PDE1A: variants seen among roughly 807,000 people sequenced by gnomAD.
The protein encoded by PDE1A is phosphodiesterase 1A.
Under a neutral mutation model 61.7 loss-of-function variants are expected in PDE1A, and 35 were observed. That is an observed-to-expected ratio of 0.57 (90% confidence interval 0.43 to 0.75). The LOEUF (loss-of-function observed/expected upper bound fraction) is 0.75, where lower values mean the gene tolerates loss of function less well. PDE1A is among the 30% of genes least tolerant of loss of function. The pLI is 0.00. For synonymous variants in PDE1A, 232 were observed against 213.2 expected, an observed-to-expected ratio of 1.09 and a Z score of -0.77; for missense variants, 597 against 630.6, an observed-to-expected ratio of 0.95 and a Z score of 0.57.
intron 2 of PDE1A, among the ~76,000 whole-genome samples, chr2:182,259,090 G>A (rs549402143): frequency 6.6e-6 from 1 of 152,222 alleles, no homozygotes; most frequent in East Asian, 1.9e-4. Context: ...GTAATTTCAA[G>A]GATCTTAGCC....
intron 2 of PDE1A, among the ~76,000 whole-genome samples, chr2:182,504,974 A>C (rs184412255): frequency 1.3e-5 from 2 of 152,368 alleles, no homozygotes; most frequent in African/African-American, 2.4e-5. Context: ...GTAGCAAACA[A>C]CATGTTGTAG....
At chr2:182,242,840 TTAAAATA>T (rs1690626403) in intron 2 of PDE1A, among the ~76,000 whole-genome samples, 1 of 151,738 alleles carries the variant, frequency 6.6e-6, no homozygotes, top group Admixed American at 6.6e-5. Context: ...AGCCCATTCC[TTAAAATA>T]CGTATCTCGC....
chr2:182,388,427 C>CA (rs1208266925), intron 1 of PDE1A, among the ~76,000 whole-genome samples: 2 of 152,128 alleles, frequency 1.3e-5, no homozygotes, highest in African/African-American at 2.4e-5. Context: ...TGTCAGGCCA[C>CA]AAAATAAGTC....
chr2:182,700,208 T>TGG, the PDE1A span, among the ~76,000 whole-genome samples: 1 of 152,186 alleles, frequency 6.6e-6, no homozygotes, highest in Admixed American at 6.5e-5. Context: ...TGTAAGAACA[T>TGG]CTTACTCTAG....
chr2:182,279,106 G>T (rs1663466757), intron 1 of PDE1A, among the ~76,000 whole-genome samples: 1 of 151,766 alleles, frequency 6.6e-6, no homozygotes, highest in Non-Finnish European at 1.5e-5. Flanking sequence ...AATGAAAATA[G>T]GGCATAGAGG....
chr2:182,187,083 A>G (rs1389126921), intron 11 of PDE1A, among the ~76,000 whole-genome samples: 2 of 152,210 alleles, frequency 1.3e-5, no homozygotes, highest in Non-Finnish European at 2.9e-5. Flanking sequence ...GTTTCTTACT[A>G]TATCAGTCAG....
chr2:182,485,954 C>A (rs1687996153), intron 2 of PDE1A, among the ~76,000 whole-genome samples: 1 of 151,820 alleles, frequency 6.6e-6, no homozygotes, highest in African/African-American at 2.4e-5. Flanking sequence ...GAAGGTCTAC[C>A]CACTACACTT....
At chr2:182,339,320 G>A (rs774857234) in intron 1 of PDE1A, among the ~76,000 whole-genome samples, 2 of 152,020 alleles carry the variant, frequency 1.3e-5, no homozygotes, top group Non-Finnish European at 2.9e-5. Context: ...AGTTGCCTGA[G>A]AAAATGTTCA....
intron 2 of PDE1A, among the ~76,000 whole-genome samples, chr2:182,242,358 T>C (rs1365904310): frequency 1.3e-5 from 2 of 152,124 alleles, no homozygotes; most frequent in East Asian, 3.9e-4. Context: ...AAAGTGCATA[T>C]AATTTTAGGG....
At chr2:182,234,569 C>T (rs1031900799) in intron 3 of PDE1A, 71 bp from the exon 4 acceptor site, 14 of 982,344 alleles carry the variant, frequency 1.4e-5, no homozygotes, top group African/African-American at 3.3e-5. Context: ...TCTTAAATAT[C>T]AGGGAAAAGA....
chr2:182,169,875 A>G (rs924741778), intron 13 of PDE1A, among the ~76,000 whole-genome samples: 8 of 149,116 alleles, frequency 5.4e-5, no homozygotes, highest in African/African-American at 2.0e-4. Context: ...TGTCCATGCA[A>G]ATACAGTGGA....
chr2:182,381,539 C>T (rs988786754), intron 1 of PDE1A, among the ~76,000 whole-genome samples: 3 of 152,100 alleles, frequency 2.0e-5, no homozygotes, highest in African/African-American at 7.2e-5. Context: ...TTAGGCCAGG[C>T]ACGGTGGCTC....
chr2:182,367,466 T>C (rs1460061720), intron 1 of PDE1A, among the ~76,000 whole-genome samples: 1 of 151,940 alleles, frequency 6.6e-6, no homozygotes. Context: ...GTATTAAACA[T>C]TAGAAAAAAA....
rs188743847 is a variant in PDE1A at position 182,193,104 on chromosome 2, C to T, written c.1126-4044G>A. Among the ~76,000 whole-genome samples, 80 of 152,124 alleles carry T rather than the reference C, an allele frequency of 5.3e-4. 1 individual carries two copies. The highest frequency in any genetic ancestry group is 8.7e-4 in the Non-Finnish European group (59 of 67,950). ...CTGGGTTCAAGCGATTCTCCTGCCTCAGCCTCCCGAGTAGATGGGACTACA... is the reference window on the plus strand; with the variant it reads ...CTGGGTTCAAGCGATTCTCCTGCCTTAGCCTCCCGAGTAGATGGGACTACA... On this transcript the variant is annotated intron_variant, in intron 10 of 13. Coordinates refer to ENST00000351439, the Ensembl canonical transcript of PDE1A.
At chr2:182,705,546 C>T in the PDE1A span, among the ~76,000 whole-genome samples, 1 of 151,850 alleles carries the variant, frequency 6.6e-6, no homozygotes, top group East Asian at 1.9e-4. Flanking sequence ...CGCTCTGTCA[C>T]CAAGGCTGGA....
chr2:182,690,532 AAAT>A, the PDE1A span, among the ~76,000 whole-genome samples: 1 of 152,288 alleles, frequency 6.6e-6, no homozygotes, highest in African/African-American at 2.4e-5. Flanking sequence ...ATGTATCTCA[AAAT>A]AATAAGAGCT....
At chr2:182,390,142 T>A (rs1443813142) in intron 1 of PDE1A, among the ~76,000 whole-genome samples, 2 of 152,146 alleles carry the variant, frequency 1.3e-5, no homozygotes, top group Non-Finnish European at 2.9e-5. Flanking sequence ...TATACATCTA[T>A]CCCACTAGTT....
chr2:182,288,715 G>A (rs558214878), intron 1 of PDE1A, among the ~76,000 whole-genome samples: 1 of 152,092 alleles, frequency 6.6e-6, no homozygotes, highest in South Asian at 2.1e-4. Flanking sequence ...TATCCAAAAG[G>A]AGCTGCCAAA....
the PDE1A span, among the ~76,000 whole-genome samples, chr2:182,675,701 T>C: frequency 6.6e-6 from 1 of 152,218 alleles, no homozygotes; most frequent in Non-Finnish European, 1.5e-5. Context: ...ATTTCCCTAA[T>C]GATAACTAAT....
Sources: allele counts gnomAD v4.1 joint callset (sites outside exome capture counted in the v4.1 genomes callset), GRCh38; gene constraint gnomAD v4.1.1; transcripts MANE v1.5; gene names NCBI Gene and HGNC (gene_info 2026-07-23, HGNC 2026-07-21).